GFM1: variants seen among roughly 807,000 people sequenced by gnomAD.
GFM1 encodes elongation factor G, mitochondrial.
GFM1 carries 62 observed loss-of-function variants against 96.2 expected under a neutral mutation model. The ratio of observed to expected loss-of-function variants is 0.64; its 90% confidence interval spans 0.53 to 0.80. The LOEUF (loss-of-function observed/expected upper bound fraction) is 0.80, where lower values mean the gene tolerates loss of function less well. GFM1 is among the 30% of genes least tolerant of loss of function. The pLI is 0.00. For missense variants in GFM1, 852 were observed against 916.6 expected (o/e 0.93, Z 0.91); for synonymous variants, 282 against 312.9 (o/e 0.90, Z 1.04).
At chr3:158,682,370 T>G in intron 14 of GFM1, 1 of 537,336 alleles carries the variant, frequency 1.9e-6, no homozygotes, top group Non-Finnish European at 3.3e-6. Context: ...GATGGGAAAT[T>G]ATTATGTTTC....
At chr3:158,645,411 A>C (rs1721690958) in intron 1 of GFM1, among the ~76,000 whole-genome samples, 1 of 152,164 alleles carries the variant, frequency 6.6e-6, no homozygotes, top group African/African-American at 2.4e-5. Context: ...CTTATTCATT[A>C]ATTAATTTTA....
chr3:158,669,322 A>G, intron 13 of GFM1: 3 of 1,259,352 alleles, frequency 2.4e-6, no homozygotes, highest in Non-Finnish European at 3.3e-6. Flanking sequence ...TATTTTTGCA[A>G]AAGCCTGTAA....
intron 15 of GFM1, among the ~76,000 whole-genome samples, chr3:158,689,920 A>C (rs922325227): frequency 6.6e-6 from 1 of 152,168 alleles, no homozygotes; most frequent in African/African-American, 2.4e-5. Context: ...TCTGCTATTT[A>C]ATGAGTTTTA....
chr3:158,678,110 C>T (rs760780755), intron 13 of GFM1, among the ~76,000 whole-genome samples: 7 of 152,114 alleles, frequency 4.6e-5, no homozygotes, highest in Non-Finnish European at 1.0e-4. Flanking sequence ...GTTTAAAATC[C>T]ATTGCTTAGA....
At chr3:158,662,895 T>G (rs553352559) in intron 11 of GFM1, among the ~76,000 whole-genome samples, 2 of 152,338 alleles carry the variant, frequency 1.3e-5, no homozygotes, top group African/African-American at 4.8e-5. Flanking sequence ...TATTAAAATA[T>G]TCACCTGACT....
intron 13 of GFM1, among the ~76,000 whole-genome samples, chr3:158,681,188 G>A (rs546233998): frequency 1.1e-4 from 17 of 152,120 alleles, no homozygotes; most frequent in Non-Finnish European, 2.4e-4. Context: ...AGTCATTAAT[G>A]TCTATTTTCT....
intron 15 of GFM1, among the ~76,000 whole-genome samples, chr3:158,686,733 T>TG (rs991572232): frequency 5.0e-5 from 7 of 140,006 alleles, no homozygotes; most frequent in Non-Finnish European, 6.2e-5. Flanking sequence ...TTTTTTTTTT[T>TG]TTTTTTTTTT....
chr3:158,654,352 TA>T (rs1341456368), intron 7 of GFM1, among the ~76,000 whole-genome samples, 194 bp from the exon 8 acceptor site: 8 of 152,130 alleles, frequency 5.3e-5, no homozygotes, highest in African/African-American at 1.7e-4. Context: ...GTGTGGGCAT[TA>T]TAGGCATGAG....
rs562312790 is a variant in GFM1 at position 158,678,210 on chromosome 3, T to C, written c.1602-3785T>C. 9.2e-5 allele frequency among the ~76,000 whole-genome samples: 14 copies of C among 152,332 alleles called. 1 individual carries two copies. Among genetic ancestry groups the C allele is most frequent in the African/African-American group, 3.1e-4 (13 of 41,584 alleles). On this transcript the variant is annotated intron_variant, in intron 13 of 17. Transcript: ENST00000486715. ...TGGAGATGTACAAAGAGATTAATGTTGTTTCCATGCCCGCCAATACAACAT... is the reference window on the plus strand; with the variant it reads ...TGGAGATGTACAAAGAGATTAATGTCGTTTCCATGCCCGCCAATACAACAT...
rs1001726660 is a variant in GFM1, at chr3:158,691,456, G to C, written c.2245G>C (p.Ala749Pro). Residue 749 changes from alanine to proline, a missense_variant, in exon 18 of 18, where the codon GCC (alanine) becomes CCC (proline). Transcript: ENST00000486715. The part of the protein sequence containing the change: ...TGQLPVKKGK[A>P]KN Reference sequence around the variant, plus strand: ...TCAACTTCCTGTTAAAAAAGGAAAAGCCAAGAACTAACTTTGCTTACTGTG... The same window carrying C: ...TCAACTTCCTGTTAAAAAAGGAAAACCCAAGAACTAACTTTGCTTACTGTG... 6.2e-7 allele frequency: 1 copy of C among 1,613,664 alleles called. No individual in the cohort carries two copies. Among genetic ancestry groups the C allele is most frequent in the Non-Finnish European group, 8.5e-7 (1 of 1,179,786 alleles).
chr3:158,669,494 G>A, intron 13 of GFM1: 3 of 1,613,870 alleles, frequency 1.9e-6, no homozygotes, highest in Non-Finnish European at 2.5e-6. Flanking sequence ...AAAATGTGTT[G>A]TCTTCTTCAT....
rs1299536219 is a variant in GFM1 at position 158,691,180 on chromosome 3, G to A, written c.2112G>A (p.Arg704=). 1 of 1,612,542 alleles carries A rather than the reference G, an allele frequency of 6.2e-7. No individual in the cohort carries two copies. The highest frequency in any genetic ancestry group is 1.7e-5 in the Admixed American group (1 of 60,010). The part of the protein sequence containing the change: ...NDMFGYSTEL[R]SCTEGKGEYT... Reference sequence around the variant, plus strand: ...TGTTTGGTTATTCCACTGAACTTAGGTCATGCACAGAGGTAGGCAAATTTA... The same window carrying A: ...TGTTTGGTTATTCCACTGAACTTAGATCATGCACAGAGGTAGGCAAATTTA... The change falls in exon 17 of 18, where the codon AGG becomes AGA. Residue 704 remains arginine (R), a synonymous_variant. Coordinates refer to ENST00000486715, the MANE Select transcript of GFM1 (RefSeq NM_024996.7).
intron 13 of GFM1, among the ~76,000 whole-genome samples, chr3:158,674,783 C>A (rs1015732868): frequency 2.6e-5 from 4 of 152,230 alleles, no homozygotes; most frequent in Admixed American, 2.6e-4. Context: ...GGCTGTAGCT[C>A]ACCTTTTCCT....
At chr3:158,669,309 G>T in intron 13 of GFM1, 2 of 1,182,438 alleles carry the variant, frequency 1.7e-6, no homozygotes, top group East Asian at 2.5e-5. Context: ...GATTAGAAAT[G>T]AGTATTTTTG....
intron 8 of GFM1, chr3:158,656,753 G>T (rs1164684000): frequency 6.6e-6 from 1 of 152,214 alleles, no homozygotes; most frequent in Non-Finnish European, 1.5e-5. Flanking sequence ...TCACGTATAT[G>T]TATTTTGAAC....
Position 158,652,161 on chromosome 3 carries a change from A to C in GFM1, c.755A>C (p.Glu252Ala). ...GCGGCGGCCACTGACCACCGGCAGGAGCTAATTGAATGTGTTGCCAATTCA... is the reference window on the plus strand; with the variant it reads ...GCGGCGGCCACTGACCACCGGCAGGCGCTAATTGAATGTGTTGCCAATTCA... ...LRAAATDHRQ[E>A]LIECVANSDE... The change falls in exon 6 of 18, where the codon GAG becomes GCG. Residue 252 changes from glutamate to alanine, a missense_variant. By Grantham distance (107) the Glu-to-Ala change is moderately radical. Coordinates refer to ENST00000486715, the MANE Select transcript of GFM1 (RefSeq NM_024996.7). 1 of 1,613,930 alleles carries C rather than the reference A, an allele frequency of 6.2e-7. No homozygotes were observed. Among genetic ancestry groups the C allele is most frequent in the Non-Finnish European group, 8.5e-7 (1 of 1,179,824 alleles).
At chr3:158,669,626 C>G (rs1245829688) in intron 13 of GFM1, 1 of 1,610,596 alleles carries the variant, frequency 6.2e-7, no homozygotes, top group East Asian at 2.2e-5. Flanking sequence ...TGAAATTTAG[C>G]AAAATATCCT....
chr3:158,677,244 TTC>T (rs574820554), intron 13 of GFM1, among the ~76,000 whole-genome samples: 4 of 151,816 alleles, frequency 2.6e-5, no homozygotes, highest in Admixed American at 6.6e-5. Context: ...TGCTTGCACA[TTC>T]TCTCTCTCTC....
At chr3:158,651,588 C>T (rs1261626571) in intron 5 of GFM1, among the ~76,000 whole-genome samples, 1 of 152,198 alleles carries the variant, frequency 6.6e-6, no homozygotes, top group Non-Finnish European at 1.5e-5. Context: ...ACTTTGCATG[C>T]CTGCCAGTTT....
Sources: allele counts gnomAD v4.1 joint callset (sites outside exome capture counted in the v4.1 genomes callset), GRCh38; gene constraint gnomAD v4.1.1; transcripts MANE v1.5; gene names NCBI Gene and HGNC (gene_info 2026-07-23, HGNC 2026-07-21).